CREB5: variants seen among roughly 807,000 people sequenced by gnomAD.
The protein encoded by CREB5 is cyclic AMP-responsive element-binding protein 5.
Under a neutral mutation model 57.1 loss-of-function variants are expected in CREB5, and 19 were observed. The ratio of observed to expected loss-of-function variants is 0.33; its 90% confidence interval spans 0.23 to 0.49. The LOEUF (loss-of-function observed/expected upper bound fraction) is 0.49. CREB5 is among the 20% of genes least tolerant of loss of function. The probability of loss-of-function intolerance (pLI) is 0.99; values close to 1 mark genes in which losing one functional copy is unlikely to be tolerated. For missense variants in CREB5, 579 were observed against 671.6 expected (o/e 0.86, Z 1.52); for synonymous variants, 238 against 238.3 (o/e 1.00, Z 0.01).
chr7:28,620,087 T>C (rs984362634), intron 5 of CREB5, among the ~76,000 whole-genome samples: 2 of 152,216 alleles, frequency 1.3e-5, no homozygotes, highest in Non-Finnish European at 2.9e-5. Context: ...CTCAAAATAA[T>C]AATTTTTAAA....
intron 1 of CREB5, among the ~76,000 whole-genome samples, chr7:28,341,203 C>A (rs1048705168): frequency 6.6e-6 from 1 of 152,130 alleles, no homozygotes; most frequent in Non-Finnish European, 1.5e-5. Context: ...AGCCATCTTG[C>A]TCCACCTCCT....
At chr7:28,520,010 G>T (rs887105899) in intron 4 of CREB5, among the ~76,000 whole-genome samples, 2 of 152,198 alleles carry the variant, frequency 1.3e-5, no homozygotes, top group African/African-American at 4.8e-5. Flanking sequence ...TTTTGCACAT[G>T]AGTTGGTGTT....
At chr7:28,418,552 A>G (rs930378032) in intron 1 of CREB5, among the ~76,000 whole-genome samples, 1 of 152,162 alleles carries the variant, frequency 6.6e-6, no homozygotes, top group Admixed American at 6.5e-5. Context: ...AGAGCCATCT[A>G]TGTCCAAATA....
chr7:28,682,674 C>T (rs1193530475), intron 5 of CREB5, among the ~76,000 whole-genome samples: 1 of 141,982 alleles, frequency 7.0e-6, no homozygotes, highest in East Asian at 2.0e-4. Context: ...TAAATTCAAA[C>T]CTAAAAGTGG....
Position 28,487,386 on chromosome 7 carries a change from GT to G in CREB5, c.4-782del, listed in dbSNP as rs1791608699. Among the ~76,000 whole-genome samples, 5 of 152,178 alleles carry G rather than the reference GT, an allele frequency of 3.3e-5. No individual in the cohort carries two copies. The South Asian group carries it at 1.0e-3, about 32-fold the overall frequency. ...GCCACCATGCCTGTCTGATTATAAG[GT>G]TTTTTTCCTGAAAGCTACCTTATTC... On this transcript the variant is annotated intron_variant, in intron 1 of 10. Coordinates refer to ENST00000357727, the MANE Select transcript of CREB5 (RefSeq NM_182898.4).
chr7:28,376,082 G>C (rs138865387), intron 1 of CREB5, among the ~76,000 whole-genome samples: 1 of 152,242 alleles, frequency 6.6e-6, no homozygotes, highest in African/African-American at 2.4e-5. Context: ...ATTATAAGAG[G>C]CTGGCTCATC....
At chr7:28,333,539 T>A (rs560525769) in intron 1 of CREB5, among the ~76,000 whole-genome samples, 169 of 152,284 alleles carry the variant, frequency 1.1e-3, no homozygotes, top group African/African-American at 3.8e-3. Flanking sequence ...TCTCACTCCA[T>A]CCACCCACTA....
intron 6 of CREB5, among the ~76,000 whole-genome samples, chr7:28,722,144 T>G (rs1490855420): frequency 6.6e-6 from 1 of 152,228 alleles, no homozygotes; most frequent in Non-Finnish European, 1.5e-5. Flanking sequence ...TGTTTAAAAC[T>G]GGCATTTTGT....
chr7:28,316,045 G>A (rs1354265676), intron 1 of CREB5, among the ~76,000 whole-genome samples: 1 of 152,172 alleles, frequency 6.6e-6, no homozygotes, highest in Non-Finnish European at 1.5e-5. Context: ...CAAAAACCTG[G>A]AGACCCAAGT....
intron 1 of CREB5, among the ~76,000 whole-genome samples, chr7:28,375,666 G>A (rs1351665014): frequency 2.0e-5 from 3 of 151,594 alleles, no homozygotes; most frequent in African/African-American, 4.8e-5. Context: ...TGGGTTGTCC[G>A]TGCAGCTGTC....
intron 5 of CREB5, among the ~76,000 whole-genome samples, chr7:28,665,321 A>G (rs954708727): frequency 6.6e-6 from 1 of 152,170 alleles, no homozygotes; most frequent in Admixed American, 6.6e-5. Flanking sequence ...ATTAAACCTG[A>G]TTAGAAAACT....
chr7:28,632,278 C>G (rs577251903), intron 5 of CREB5, among the ~76,000 whole-genome samples: 1 of 152,336 alleles, frequency 6.6e-6, no homozygotes, highest in East Asian at 1.9e-4. Flanking sequence ...CTTCCTCCCT[C>G]TCTCACTTTT....
intron 5 of CREB5, among the ~76,000 whole-genome samples, chr7:28,617,485 C>T (rs1328632245): frequency 6.6e-6 from 1 of 152,138 alleles, no homozygotes; most frequent in Admixed American, 6.5e-5. Context: ...AGGGGCTGAA[C>T]AGGGAAAGGA....
chr7:28,389,522 C>T (rs1224373196), intron 1 of CREB5, among the ~76,000 whole-genome samples: 3 of 152,114 alleles, frequency 2.0e-5, no homozygotes, highest in Non-Finnish European at 4.4e-5. Flanking sequence ...TTAATCTTGT[C>T]CTCAGATGGT....
At chr7:28,613,515 C>A (rs181572032) in intron 5 of CREB5, among the ~76,000 whole-genome samples, 129 of 152,354 alleles carry the variant, frequency 8.5e-4, no homozygotes, top group African/African-American at 3.1e-3. Context: ...ATTTCGACTT[C>A]ATGTGAATTG....
chr7:28,478,305 GT>G (rs1007369391), intron 1 of CREB5, among the ~76,000 whole-genome samples: 1 of 151,828 alleles, frequency 6.6e-6, no homozygotes, highest in South Asian at 2.1e-4. Context: ...TCTTGAGCTT[GT>G]TTATCAGGAT....
chr7:28,742,100 G>T (rs1804390544), intron 7 of CREB5, among the ~76,000 whole-genome samples: 1 of 147,372 alleles, frequency 6.8e-6, no homozygotes, highest in Non-Finnish European at 1.5e-5. Flanking sequence ...ATAGTGTGGT[G>T]TTCTCACATT....
At chr7:28,303,876 G>T (rs1406303902) in intron 1 of CREB5, among the ~76,000 whole-genome samples, 2 of 151,950 alleles carry the variant, frequency 1.3e-5, no homozygotes, top group Non-Finnish European at 2.9e-5. Context: ...TATATGCAAA[G>T]AAAAACACAC....
chr7:28,353,272 G>A (rs1282544194), intron 1 of CREB5, among the ~76,000 whole-genome samples: 5 of 151,986 alleles, frequency 3.3e-5, no homozygotes, highest in Admixed American at 6.6e-5. Context: ...TAGTAGAGGC[G>A]GGATTGCACC....
Sources: gnomAD v4.1 joint callset for allele counts (sites outside exome capture counted in the v4.1 genomes callset) on GRCh38, gnomAD v4.1.1 for gene constraint, MANE v1.5 for transcripts, NCBI Gene and HGNC (gene_info 2026-07-23, HGNC 2026-07-21) for gene names.